Variants in RBFOX1 observed in about 807,000 individuals in gnomAD.
RBFOX1 encodes RNA binding fox-1 homolog 1.
In RBFOX1, 8 loss-of-function variants were observed where a neutral mutation model predicts 57.7. That is an observed-to-expected ratio of 0.14 (90% CI 0.08 to 0.25). The LOEUF is 0.25. Ranked by LOEUF, RBFOX1 falls within the 10% of genes least tolerant of loss-of-function variation. RBFOX1 has a pLI of 1.00. For missense variants in RBFOX1, 611 were observed against 548.5 expected (o/e 1.11, Z -1.14); for synonymous variants, 326 against 222.4 (o/e 1.47, Z -4.15).
chr16:7,350,647 C>A (rs887048230), intron 4 of RBFOX1, among the ~76,000 whole-genome samples: 1 of 152,094 alleles, frequency 6.6e-6, no homozygotes, highest in Non-Finnish European at 1.5e-5. Context: ...TGAAGACGAC[C>A]AGTACCATGT....
At chr16:6,459,586 C>T (rs1375441484) in intron 2 of RBFOX1, among the ~76,000 whole-genome samples, 1 of 152,074 alleles carries the variant, frequency 6.6e-6, no homozygotes, top group Non-Finnish European at 1.5e-5. Context: ...TCTCATGCTT[C>T]TGATATCTTT....
At chr16:6,814,409 C>A (rs542335597) in intron 3 of RBFOX1, among the ~76,000 whole-genome samples, 1 of 152,236 alleles carries the variant, frequency 6.6e-6, no homozygotes, top group East Asian at 1.9e-4. Context: ...TAAATAATCT[C>A]TGTGTGTCAA....
intron 5 of RBFOX1, among the ~76,000 whole-genome samples, chr16:7,526,661 C>T (rs1008410104): frequency 6.6e-6 from 1 of 152,166 alleles, no homozygotes; most frequent in Non-Finnish European, 1.5e-5. Context: ...ATAGTTACAT[C>T]GAAATGAGAA....
At chr16:7,156,419 A>G (rs2077151495) in intron 4 of RBFOX1, among the ~76,000 whole-genome samples, 1 of 152,090 alleles carries the variant, frequency 6.6e-6, no homozygotes, top group Non-Finnish European at 1.5e-5. Flanking sequence ...GTGTGCGTAT[A>G]GTTGTACATA....
intron 1 of RBFOX1, among the ~76,000 whole-genome samples, chr16:6,233,362 A>G (rs1166508948): frequency 1.3e-5 from 2 of 152,002 alleles, no homozygotes; most frequent in Non-Finnish European, 2.9e-5. Flanking sequence ...GATCCAAACC[A>G]CCATCTCCCC....
chr16:6,826,949 G>A (rs1302493886), intron 3 of RBFOX1, among the ~76,000 whole-genome samples: 1 of 152,130 alleles, frequency 6.6e-6, no homozygotes, highest in Non-Finnish European at 1.5e-5. Flanking sequence ...GAAGAAATAG[G>A]TGAGGATATT....
At chr16:5,580,182 A>G (rs1032838045) in intron 2 of RBFOX1, among the ~76,000 whole-genome samples, 3 of 152,138 alleles carry the variant, frequency 2.0e-5, no homozygotes, top group African/African-American at 7.2e-5. Flanking sequence ...CAGCGTAGTG[A>G]TGGTGCCTAG....
chr16:5,505,303 T>C (rs373532674), intron 2 of RBFOX1, among the ~76,000 whole-genome samples: 1 of 152,146 alleles, frequency 6.6e-6, no homozygotes, highest in Non-Finnish European at 1.5e-5. Flanking sequence ...CAGAAACCAT[T>C]GAACCAAAGC....
chr16:7,512,087 G>A (rs910278528), intron 4 of RBFOX1, among the ~76,000 whole-genome samples: 2 of 152,046 alleles, frequency 1.3e-5, no homozygotes, highest in Non-Finnish European at 1.5e-5. Context: ...AGCTCTCTCT[G>A]ATCATTCCAC....
intron 3 of RBFOX1, among the ~76,000 whole-genome samples, chr16:5,789,982 A>G (rs1046634318): frequency 6.6e-6 from 1 of 152,218 alleles, no homozygotes; most frequent in East Asian, 1.9e-4. Flanking sequence ...CACGGGCTTC[A>G]TGCAGGAAAA....
intron 1 of RBFOX1, among the ~76,000 whole-genome samples, chr16:5,435,599 G>T (rs2067892436): frequency 6.6e-6 from 1 of 152,156 alleles, no homozygotes; most frequent in Non-Finnish European, 1.5e-5. Flanking sequence ...TGGGACCCAG[G>T]AGGGCCACCT....
intron 13 of RBFOX1, among the ~76,000 whole-genome samples, chr16:7,676,498 CAT>C (rs1263570663): frequency 6.6e-6 from 1 of 152,142 alleles, no homozygotes; most frequent in Admixed American, 6.5e-5. Context: ...AGACAATCGC[CAT>C]TAACATTTAG....
At chr16:7,029,973 A>G (rs1428003140) in intron 3 of RBFOX1, among the ~76,000 whole-genome samples, 2 of 152,352 alleles carry the variant, frequency 1.3e-5, no homozygotes, top group African/African-American at 4.8e-5. Context: ...CCAGCAAGAC[A>G]GTCAACAAGG....
At chr16:5,596,060 A>G (rs1423747283) in intron 2 of RBFOX1, among the ~76,000 whole-genome samples, 1 of 152,126 alleles carries the variant, frequency 6.6e-6, no homozygotes, top group African/African-American at 2.4e-5. Flanking sequence ...GCTAAAGAGG[A>G]CACCAGGCCT....
chr16:5,736,976 T>C (rs1224111180), intron 3 of RBFOX1, among the ~76,000 whole-genome samples: 1 of 149,586 alleles, frequency 6.7e-6, no homozygotes, highest in African/African-American at 2.5e-5. Flanking sequence ...ACTTTATTCC[T>C]ATCTTTCTCT....
intron 3 of RBFOX1, among the ~76,000 whole-genome samples, chr16:5,661,668 A>C (rs77041091): frequency 0.011 from 1,715 of 152,376 alleles, 32 homozygotes; most frequent in African/African-American, 0.04. Flanking sequence ...ACCCGTAGTT[A>C]GTTACTATTG....
intron 3 of RBFOX1, among the ~76,000 whole-genome samples, chr16:5,751,158 C>G (rs2053185038): frequency 6.6e-6 from 1 of 152,128 alleles, no homozygotes; most frequent in Admixed American, 6.5e-5. Context: ...ATTCTGCTTT[C>G]TGTTCAATCC....
intron 2 of RBFOX1, among the ~76,000 whole-genome samples, chr16:6,414,589 G>C (rs1354288456): frequency 1.3e-5 from 2 of 152,146 alleles, no homozygotes; most frequent in African/African-American, 4.8e-5. Context: ...AAGCAAAGGG[G>C]TCTCATTCGA....
At chr16:6,602,752 A>G (rs540073942) in intron 2 of RBFOX1, among the ~76,000 whole-genome samples, 2 of 152,100 alleles carry the variant, frequency 1.3e-5, no homozygotes, top group African/African-American at 4.8e-5. Context: ...TTGCTGCTTT[A>G]TCCCTTCTGT....
Sources: gnomAD v4.1 joint callset for allele counts (sites outside exome capture counted in the v4.1 genomes callset) on GRCh38, gnomAD v4.1.1 for gene constraint, MANE v1.5 for transcripts, NCBI Gene and HGNC (gene_info 2026-07-23, HGNC 2026-07-21) for gene names.